Variants in MAP3K9 observed in about 807,000 individuals in gnomAD.
MAP3K9 encodes the protein mitogen-activated protein kinase kinase kinase 9, also known as mixed lineage kinase 1 (tyr and ser/thr specificity).
In MAP3K9, 46 loss-of-function variants were observed where a neutral mutation model predicts 95.8. The ratio of observed to expected loss-of-function variants is 0.48; its 90% confidence interval spans 0.38 to 0.61. MAP3K9 has a LOEUF of 0.61. MAP3K9 is among the 20% of genes least tolerant of loss of function. The pLI is 0.00. For missense variants in MAP3K9, 1,296 were observed against 1,474.3 expected, an observed-to-expected ratio of 0.88 and a Z score of 1.98; for synonymous variants, 533 against 593.8, an observed-to-expected ratio of 0.90 and a Z score of 1.49.
chr14:70,769,176 A>G (rs2054497839), intron 2 of MAP3K9, among the ~76,000 whole-genome samples: 1 of 152,146 alleles, frequency 6.6e-6, no homozygotes, highest in Non-Finnish European at 1.5e-5. Flanking sequence ...TGTGCCTGTG[A>G]ACAGCCACTG....
At chr14:70,777,485 T>G (rs1003703770) in intron 2 of MAP3K9, among the ~76,000 whole-genome samples, 1 of 152,146 alleles carries the variant, frequency 6.6e-6, no homozygotes, top group East Asian at 1.9e-4. Flanking sequence ...GGAAAGACCC[T>G]CCTGACATAC....
chr14:70,765,528 T>G lies in MAP3K9; in HGVS notation c.821-4346A>C, dbSNP rs1409247938. The stretch of plus-strand genomic sequence containing the variant: ...ATTTTTTATTTTTATATCATATTTT[T>G]ACTGTACCTTTTCTACGTATAGATA... On this transcript the variant is annotated intron_variant, in intron 2 of 11. Transcript: ENST00000554752. 6 of 659,528 alleles carry G rather than the reference T, an allele frequency of 9.1e-6. No homozygotes were observed. The Middle Eastern group carries it at 1.6e-3, about 174-fold the overall frequency. The allele number at this position is 659,528 out of a possible 1,614,324, so 40.9% of individuals were successfully genotyped here. A position where few individuals can be genotyped will look rare whatever the true frequency, so the allele number is the denominator to read the frequency against.
chr14:70,760,870 C>T lies in MAP3K9; in HGVS notation c.1001+132G>A. 3 of 881,226 alleles carry T rather than the reference C, an allele frequency of 3.4e-6. No individual in the cohort carries two copies. The South Asian group carries it at 4.9e-5, about 14-fold the overall frequency. 54.6% of individuals were successfully genotyped at this position (881,226 alleles called of 1,614,324 possible). On this transcript the variant is annotated intron_variant, in intron 3 of 11. Coordinates refer to ENST00000554752, the MANE Select transcript of MAP3K9 (RefSeq NM_001284230.2). Reference sequence around the variant, plus strand: ...GCAATATGGGAATTGGCATAGATGACTCTTGGGGGAGGTCACTTAGACCTA... The same window carrying T: ...GCAATATGGGAATTGGCATAGATGATTCTTGGGGGAGGTCACTTAGACCTA...
At position 70,733,318 on chromosome 14, in the gene MAP3K9, C is replaced by A; in HGVS notation, c.2051G>T (p.Gly684Val). Residue 684 changes from glycine to valine, a missense_variant, in exon 11 of 12, where the codon GGG becomes GTG. Coordinates refer to ENST00000554752, the MANE Select transcript of MAP3K9 (RefSeq NM_001284230.2). The stretch of plus-strand genomic sequence containing the variant: ...ATGCTGTAGGCGACTCTCTCCACTC[C>A]CTGGGCCTTCACTGTCCTCATCCTC... ...EMEDEDSEGP[G>V]SGESRLQHSP... is the part of the protein sequence containing the mutation. The A allele has an allele frequency of 6.7e-7, 1 of 1,490,740 alleles. No homozygotes were observed. Among genetic ancestry groups the A allele is most frequent in the Non-Finnish European group, 9.2e-7 (1 of 1,082,638 alleles). The allele number at this position is 1,490,740 out of a possible 1,614,324, so 92.3% of individuals were successfully genotyped here. A position where few individuals can be genotyped will look rare whatever the true frequency, so the allele number is the denominator to read the frequency against.
Position 70,808,899 on chromosome 14 carries a change from G to T in MAP3K9, c.273C>A (p.Asp91Glu). The T allele has an allele frequency of 1.3e-6, 2 of 1,597,020 alleles. No individual in the cohort carries two copies. The stretch of plus-strand genomic sequence containing the variant: ...TCAGCTGCCCGGTCCACCAGCCCTC[G>T]TCGCCGGACACCTGCGAGTCCTTGG... Reference protein sequence around the residue: ...VLSKDSQVSGDEGWWTGQLNQ... With the variant: ...VLSKDSQVSGEEGWWTGQLNQ... The change falls in exon 1 of 12, where the codon GAC becomes GAA. Residue 91 changes from aspartate to glutamate, a missense_variant. Asp to Glu is a conservative substitution (Grantham distance 45). Transcript: ENST00000554752.
chr14:70,777,082 C>T (rs533651459), intron 2 of MAP3K9, among the ~76,000 whole-genome samples: 3 of 152,178 alleles, frequency 2.0e-5, no homozygotes, highest in South Asian at 4.2e-4. Context: ...CTGCCTACCT[C>T]GGCCTCCCAA....
intron 2 of MAP3K9, among the ~76,000 whole-genome samples, chr14:70,791,814 C>T (rs1484500810): frequency 6.6e-6 from 1 of 152,226 alleles, no homozygotes; most frequent in Non-Finnish European, 1.5e-5. Flanking sequence ...CAAGGTCTTT[C>T]CCCCTGACCC....
chr14:70,809,215 G>A lies in MAP3K9; in HGVS notation c.-44C>T, dbSNP rs1252815763. On this transcript the variant is annotated 5_prime_UTR_variant, in exon 1 of 12. Transcript: ENST00000554752. ...GGTGCGGGGCCGCCGCCGCCCGCAG[G>A]AGCCGCCGCCGCCTATTGTTCATGC... 6 of 1,284,508 alleles carry A rather than the reference G, an allele frequency of 4.7e-6. No individual in the cohort carries two copies. Among genetic ancestry groups the A allele is most frequent in the South Asian group, 2.8e-5 (1 of 35,590 alleles). 79.6% of individuals were successfully genotyped at this position (1,284,508 alleles called of 1,614,324 possible).
intron 1 of MAP3K9, among the ~76,000 whole-genome samples, chr14:70,801,947 C>T (rs1202055290): frequency 6.6e-6 from 1 of 152,078 alleles, no homozygotes; most frequent in African/African-American, 2.4e-5. Flanking sequence ...GGATTGGAGA[C>T]GAGGCTCAAA....
chr14:70,795,331 T>TA (rs1284884097), intron 2 of MAP3K9, among the ~76,000 whole-genome samples: 4 of 151,408 alleles, frequency 2.6e-5, no homozygotes, highest in Non-Finnish European at 4.4e-5. Context: ...TTTTTTGAGA[T>TA]AGAGTCTCAC....
chr14:70,771,724 CAT>C (rs1334335561), intron 2 of MAP3K9, among the ~76,000 whole-genome samples: 1 of 152,154 alleles, frequency 6.6e-6, no homozygotes, highest in Non-Finnish European at 1.5e-5. Flanking sequence ...AACAGCTAAA[CAT>C]AGGGGGAAAA....
intron 2 of MAP3K9, among the ~76,000 whole-genome samples, chr14:70,775,656 T>C (rs1314523683): frequency 1.3e-5 from 2 of 152,204 alleles, no homozygotes; most frequent in Admixed American, 1.3e-4. Flanking sequence ...ATCAAGCTAA[T>C]GGCTACTTCT....
In MAP3K9 at chr14:70,800,794, C is replaced by T. The variant is rs760671420; in HGVS notation, c.693G>A (p.Val231=). The part of the protein sequence containing the change: ...EFARGGPLNR[V]LSGKRIPPDI... ...CTGGGGGAATCCTTTTCCCAGATAACACTCTATTCAAAGGTCCTCCACGAG... is the reference window on the plus strand; with the variant it reads ...CTGGGGGAATCCTTTTCCCAGATAATACTCTATTCAAAGGTCCTCCACGAG... The change falls in exon 2 of 12, where the codon GTG becomes GTA. Residue 231 remains valine, a synonymous_variant. Coordinates refer to ENST00000554752, the MANE Select transcript of MAP3K9 (RefSeq NM_001284230.2). 102 of 1,614,044 alleles carry T rather than the reference C, an allele frequency of 6.3e-5. No homozygotes were observed. The highest frequency in any genetic ancestry group is 8.1e-5 in the Non-Finnish European group (95 of 1,180,048).
At chr14:70,808,285 C>A (rs2055013798) in intron 1 of MAP3K9, among the ~76,000 whole-genome samples, 1 of 152,192 alleles carries the variant, frequency 6.6e-6, no homozygotes. Flanking sequence ...CTCAGCCCTG[C>A]GGAGACACCC....
intron 1 of MAP3K9, among the ~76,000 whole-genome samples, chr14:70,806,184 G>C (rs925075260): frequency 6.6e-6 from 1 of 152,188 alleles, no homozygotes; most frequent in African/African-American, 2.4e-5. Context: ...CTTTCCGAGT[G>C]ACACAAACTG....
At chr14:70,739,407 G>A (rs1024259551) in intron 7 of MAP3K9, among the ~76,000 whole-genome samples, 1 of 152,092 alleles carries the variant, frequency 6.6e-6, no homozygotes, top group African/African-American at 2.4e-5. Context: ...TGGGATTACA[G>A]GCATAAGCCA....
chr14:70,763,421 TAAAC>T (rs2139786262), intron 2 of MAP3K9, among the ~76,000 whole-genome samples: 1 of 152,212 alleles, frequency 6.6e-6, no homozygotes, highest in Non-Finnish European at 1.5e-5. Flanking sequence ...GATGCTGCTG[TAAAC>T]AAACCTACTG....
rs558449303 is a variant in MAP3K9, at chr14:70,794,499, T to C, written c.820+6168A>G. Reference sequence around the variant, plus strand: ...CAACAGGAGTGTGCAGGCAAGAGTGTAGTGATTAGGGCCACAAGCTGACAA... The same window carrying C: ...CAACAGGAGTGTGCAGGCAAGAGTGCAGTGATTAGGGCCACAAGCTGACAA... On this transcript the variant is annotated intron_variant, in intron 2 of 11. Transcript: ENST00000554752. 2.0e-5 allele frequency among the ~76,000 whole-genome samples: 3 copies of C among 152,048 alleles called. No individual in the cohort carries two copies. The South Asian group carries it at 6.2e-4, about 32-fold the overall frequency.
chr14:70,778,800 CCT>C (rs1245353576), intron 2 of MAP3K9, among the ~76,000 whole-genome samples: 11 of 152,172 alleles, frequency 7.2e-5, no homozygotes, highest in African/African-American at 2.2e-4. Flanking sequence ...AGGATATTCC[CCT>C]GAGCTACCCA....
Sources: allele counts gnomAD v4.1 joint callset (sites outside exome capture counted in the v4.1 genomes callset), GRCh38; gene constraint gnomAD v4.1.1; transcripts MANE v1.5; gene names NCBI Gene and HGNC (gene_info 2026-07-23, HGNC 2026-07-21).